Variants in ADGRV1 observed in about 807,000 individuals in gnomAD.
The protein encoded by ADGRV1 is G-protein coupled receptor 98.
Under a neutral mutation model 596.2 loss-of-function variants are expected in ADGRV1, and 359 were observed. The observed-to-expected ratio is 0.60, with a 90% confidence interval of 0.55 to 0.66. ADGRV1 has a LOEUF of 0.66. ADGRV1 is among the 30% of genes least tolerant of loss of function. ADGRV1 has a pLI of 0.00. For missense variants in ADGRV1, 7,274 were observed against 7,575.6 expected (o/e 0.96, Z 1.48); for synonymous variants, 2,681 against 2,679.2 (o/e 1.00, Z -0.02).
At chr5:90,592,793 G>A (rs551366335) in intron 1 of ADGRV1, among the ~76,000 whole-genome samples, 3 of 152,334 alleles carry the variant, frequency 2.0e-5, no homozygotes, top group South Asian at 4.1e-4. Context: ...CGAAGGATAT[G>A]AACAGGCACT....
intron 80 of ADGRV1, 76 bp downstream of exon 80, chr5:90,853,609 G>A: frequency 7.1e-7 from 1 of 1,409,146 alleles, no homozygotes; most frequent in East Asian, 2.4e-5. Flanking sequence ...GAATGCATTT[G>A]TTTGATCACA....
At chr5:90,839,524 T>C (rs1027066895) in intron 77 of ADGRV1, among the ~76,000 whole-genome samples, 1 of 152,144 alleles carries the variant, frequency 6.6e-6, no homozygotes, top group African/African-American at 2.4e-5. Flanking sequence ...TCCACCTCTC[T>C]TACAGCAGCA....
intron 87 of ADGRV1, among the ~76,000 whole-genome samples, chr5:91,115,403 C>A (rs1438776705): frequency 6.6e-6 from 1 of 152,008 alleles, no homozygotes; most frequent in Non-Finnish European, 1.5e-5. Context: ...TAGTGGATAC[C>A]TTTTAAGGCA....
At chr5:90,974,751 A>G (rs984725791) in intron 84 of ADGRV1, among the ~76,000 whole-genome samples, 1 of 152,230 alleles carries the variant, frequency 6.6e-6, no homozygotes, top group Non-Finnish European at 1.5e-5. Flanking sequence ...AAAACCCTAG[A>G]AGAAAACCTA....
chr5:90,899,840 A>C (rs1771676202), intron 83 of ADGRV1, among the ~76,000 whole-genome samples: 1 of 152,172 alleles, frequency 6.6e-6, no homozygotes, highest in African/African-American at 2.4e-5. Context: ...TAACGAGAGC[A>C]AGGTCTTCCA....
chr5:90,959,584 G>A (rs1017974620), intron 83 of ADGRV1, among the ~76,000 whole-genome samples: 10 of 152,126 alleles, frequency 6.6e-5, no homozygotes, highest in African/African-American at 2.4e-4. Flanking sequence ...CCTAGATGAT[G>A]TAGTATTGGT....
chr5:91,119,923 G>A (rs73771179), intron 87 of ADGRV1, among the ~76,000 whole-genome samples: 1 of 152,156 alleles, frequency 6.6e-6, no homozygotes, highest in African/African-American at 2.4e-5. Flanking sequence ...TGGCCTTTCG[G>A]ACCCTTTTGG....
At chr5:90,757,921 T>A (rs1756012319) in intron 57 of ADGRV1, among the ~76,000 whole-genome samples, 1 of 152,172 alleles carries the variant, frequency 6.6e-6, no homozygotes, top group African/African-American at 2.4e-5. Flanking sequence ...TATTTGTTGC[T>A]CATGGGGGGC....
chr5:90,736,257 A>T (rs1753205427), intron 50 of ADGRV1, among the ~76,000 whole-genome samples: 1 of 151,868 alleles, frequency 6.6e-6, no homozygotes, highest in Non-Finnish European at 1.5e-5. Context: ...TTATTTTCTT[A>T]GTGTAGTGAA....
chr5:91,164,063 G>A lies in ADGRV1; in HGVS notation c.*163G>A. ...TTGGAGTATAAATTACTGATTGTAT[G>A]TGACCTGAAAATTCACTGCTATAAG... is the stretch of plus-strand genomic sequence containing the variant. On this transcript the variant is annotated 3_prime_UTR_variant, in exon 90 of 90. Coordinates refer to ENST00000405460, the MANE Select transcript of ADGRV1 (RefSeq NM_032119.4). 1 of 690,700 alleles carries A rather than the reference G, an allele frequency of 1.4e-6. No individual in the cohort carries two copies. The highest frequency in any genetic ancestry group is 2.6e-6 in the Non-Finnish European group (1 of 378,126). The allele number at this position is 690,700 out of a possible 1,614,324, so 42.8% of individuals were successfully genotyped here.
intron 83 of ADGRV1, among the ~76,000 whole-genome samples, chr5:90,923,856 C>G (rs1774137822): frequency 6.6e-6 from 1 of 151,404 alleles, no homozygotes. Flanking sequence ...GTTCAGTTCC[C>G]AGCTATGAGT....
At chr5:90,575,634 T>C (rs1366787971) in intron 1 of ADGRV1, among the ~76,000 whole-genome samples, 2 of 152,180 alleles carry the variant, frequency 1.3e-5, no homozygotes, top group Non-Finnish European at 2.9e-5. Flanking sequence ...AGACCAATCC[T>C]GTCTCCACGA....
At chr5:90,608,831 G>T (rs1185491018) in intron 1 of ADGRV1, among the ~76,000 whole-genome samples, 2 of 152,036 alleles carry the variant, frequency 1.3e-5, no homozygotes. Flanking sequence ...CCCATCATGT[G>T]TAGAGGGCAA....
chr5:90,924,173 A>G (rs1774178516), intron 83 of ADGRV1, among the ~76,000 whole-genome samples: 1 of 151,668 alleles, frequency 6.6e-6, no homozygotes, highest in Non-Finnish European at 1.5e-5. Flanking sequence ...GTCAAATGGT[A>G]TTTCTAGTTC....
chr5:90,760,326 A>G (rs1306539250), intron 58 of ADGRV1, among the ~76,000 whole-genome samples: 1 of 151,536 alleles, frequency 6.6e-6, no homozygotes, highest in Non-Finnish European at 1.5e-5. Flanking sequence ...TTCATGTATG[A>G]GTCTCTTCTC....
chr5:90,913,200 C>G (rs901372789), intron 83 of ADGRV1, among the ~76,000 whole-genome samples: 4 of 152,110 alleles, frequency 2.6e-5, no homozygotes, highest in African/African-American at 4.8e-5. Flanking sequence ...TTAGATATTA[C>G]TGAGGGCAGG....
At chr5:90,886,773 C>T (rs1026631523) in intron 83 of ADGRV1, among the ~76,000 whole-genome samples, 9 of 152,126 alleles carry the variant, frequency 5.9e-5, no homozygotes, top group African/African-American at 2.2e-4. Context: ...TAATTGGGGC[C>T]ATCATTCACA....
Position 90,672,533 on chromosome 5 carries a change from C to T in ADGRV1, c.4753-13C>T. On this transcript the variant is annotated splice_polypyrimidine_tract_variant and intron_variant, in intron 21 of 89. Transcript: ENST00000405460. ...TTGCTATGCACCTATTAATAATTTA[C>T]ATTCAATTTCAGATTGCAGAGGAGG... The T allele has an allele frequency of 6.2e-7, 1 of 1,606,526 alleles. No homozygotes were observed. Among genetic ancestry groups the T allele is most frequent in the Non-Finnish European group, 8.5e-7 (1 of 1,174,368 alleles).
intron 83 of ADGRV1, among the ~76,000 whole-genome samples, chr5:90,932,972 T>G (rs1193722164): frequency 6.6e-6 from 1 of 152,180 alleles, no homozygotes; most frequent in Non-Finnish European, 1.5e-5. Context: ...CGTATATAAT[T>G]ATACGTATAA....
Sources: allele counts gnomAD v4.1 joint callset (sites outside exome capture counted in the v4.1 genomes callset), GRCh38; gene constraint gnomAD v4.1.1; transcripts MANE v1.5; gene names NCBI Gene and HGNC (gene_info 2026-07-23, HGNC 2026-07-21).